DLGAP1: variants seen among roughly 807,000 people sequenced by gnomAD.
DLGAP1 encodes the protein disks large-associated protein 1.
A neutral mutation model predicts 90.8 loss-of-function variants in DLGAP1; 11 were observed. That is an observed-to-expected ratio of 0.12 (90% CI 0.08 to 0.20). The LOEUF (loss-of-function observed/expected upper bound fraction) is 0.20. Among genes scored for constraint, DLGAP1 ranks in the 10% least tolerant of loss-of-function variants. The probability of loss-of-function intolerance (pLI) is 1.00; values close to 1 mark genes in which losing one functional copy is unlikely to be tolerated. For synonymous variants in DLGAP1, 558 were observed against 540.7 expected (o/e 1.03, Z -0.44); for missense variants, 1,050 against 1,333.8 (o/e 0.79, Z 3.31).
At chr18:4,307,760 G>A (rs1459972877) in intron 1 of DLGAP1, among the ~76,000 whole-genome samples, 1 of 142,924 alleles carries the variant, frequency 7.0e-6, no homozygotes, top group African/African-American at 2.6e-5. Context: ...CTGTCACCCA[G>A]GCTGGAGTGC....
At chr18:4,396,242 G>A (rs181697170) in intron 1 of DLGAP1, among the ~76,000 whole-genome samples, 90 of 152,178 alleles carry the variant, frequency 5.9e-4, no homozygotes, top group African/African-American at 2.1e-3. Context: ...ACATCCAAAG[G>A]ATGTTCAACA....
intron 2 of DLGAP1, among the ~76,000 whole-genome samples, chr18:4,071,613 T>C (rs564349332): frequency 6.6e-6 from 1 of 152,256 alleles, no homozygotes; most frequent in Non-Finnish European, 1.5e-5. Context: ...CTAATAATAG[T>C]CCCATTATAT....
chr18:3,599,090 T>C (rs1384901149), intron 7 of DLGAP1, among the ~76,000 whole-genome samples: 1 of 152,236 alleles, frequency 6.6e-6, no homozygotes, highest in African/African-American at 2.4e-5. Context: ...GTGTTTAAAA[T>C]ACTACCTTTC....
At chr18:3,707,402 A>G (rs921800148) in intron 7 of DLGAP1, among the ~76,000 whole-genome samples, 1 of 152,178 alleles carries the variant, frequency 6.6e-6, no homozygotes, top group African/African-American at 2.4e-5. Context: ...GTTTGAGATC[A>G]GCCTGGCCAA....
intron 1 of DLGAP1, among the ~76,000 whole-genome samples, chr18:4,360,887 G>A (rs111594284): frequency 0.019 from 2,890 of 152,182 alleles, 38 homozygotes; most frequent in Non-Finnish European, 0.029. Flanking sequence ...GGCCGAAGCA[G>A]GAGAATCACT....
At chr18:4,380,752 G>A (rs931736921) in intron 1 of DLGAP1, among the ~76,000 whole-genome samples, 1 of 152,024 alleles carries the variant, frequency 6.6e-6, no homozygotes, top group African/African-American at 2.4e-5. Flanking sequence ...ACTAATTAAC[G>A]AAACTCATCT....
intron 1 of DLGAP1, among the ~76,000 whole-genome samples, chr18:4,188,824 C>T (rs2077345424): frequency 6.6e-6 from 1 of 152,104 alleles, no homozygotes; most frequent in South Asian, 2.1e-4. Flanking sequence ...TTCATATAAG[C>T]TATTTCATAT....
rs184807481 is a variant in DLGAP1, at chr18:4,173,224, C to T, written c.-266-21937G>A. ...AAGAGCCTAATAATATTTGGATGTA[C>T]CCTCATAGTAGTTTGACCTGCAGGG... On this transcript the variant is annotated intron_variant, in intron 1 of 12. Coordinates refer to ENST00000315677, the MANE Select transcript of DLGAP1 (RefSeq NM_004746.4). Among the ~76,000 whole-genome samples, 278 of 152,252 alleles carry T rather than the reference C, an allele frequency of 1.8e-3. 1 individual carries two copies. Among genetic ancestry groups the T allele is most frequent in the African/African-American group, 5.6e-3 (234 of 41,538 alleles).
chr18:4,248,404 G>T (rs1598722380), intron 1 of DLGAP1, among the ~76,000 whole-genome samples: 2 of 152,146 alleles, frequency 1.3e-5, no homozygotes, highest in East Asian at 1.9e-4. Flanking sequence ...CTGATGTACA[G>T]CTTTCTTTTC....
At chr18:3,503,428 T>C (rs16944935) in intron 11 of DLGAP1, among the ~76,000 whole-genome samples, 26,008 of 152,220 alleles carry the variant, frequency 0.17, 2,461 homozygotes, top group Non-Finnish European at 0.23. Context: ...TACCAGAACA[T>C]ATAAACCTGA....
At chr18:3,744,312 G>A (rs1033994648) in intron 5 of DLGAP1, among the ~76,000 whole-genome samples, 1 of 151,768 alleles carries the variant, frequency 6.6e-6, no homozygotes, top group African/African-American at 2.4e-5. Context: ...GCTTTTCCAC[G>A]TAACATCAAA....
In DLGAP1 at chr18:3,775,403, G is replaced by A. The variant is rs1351692600; in HGVS notation, c.1173-32891C>T. Among the ~76,000 whole-genome samples, 2 of 152,160 alleles carry A rather than the reference G, an allele frequency of 1.3e-5. No individual in the cohort carries two copies. Among genetic ancestry groups the A allele is most frequent in the Non-Finnish European group, 2.9e-5 (2 of 68,036 alleles). Reference sequence around the variant, plus strand: ...TGTTCTCTTGATAGAGTTCTCAAGAGATCTGGTTGTTTGAATGCGTATAGC... The same window carrying A: ...TGTTCTCTTGATAGAGTTCTCAAGAAATCTGGTTGTTTGAATGCGTATAGC... On this transcript the variant is annotated intron_variant, in intron 5 of 12. Coordinates refer to ENST00000315677, the MANE Select transcript of DLGAP1 (RefSeq NM_004746.4). This position sits in a 1 kb window ranked among gnomAD's most constrained non-coding sequence, Gnocchi z 4.9.
At chr18:3,876,516 A>G (rs564148561) in intron 4 of DLGAP1, among the ~76,000 whole-genome samples, 1 of 152,322 alleles carries the variant, frequency 6.6e-6, no homozygotes, top group South Asian at 2.1e-4. Flanking sequence ...TTATTTCCCA[A>G]TGTAGGACAG....
intron 2 of DLGAP1, among the ~76,000 whole-genome samples, chr18:4,024,427 G>A (rs751613403): frequency 4.6e-5 from 7 of 152,186 alleles, no homozygotes; most frequent in Non-Finnish European, 8.8e-5. Flanking sequence ...GATCAAGGGA[G>A]TGCTACCCCC....
chr18:3,679,111 C>T (rs574877208), intron 7 of DLGAP1, among the ~76,000 whole-genome samples: 139 of 152,224 alleles, frequency 9.1e-4, no homozygotes, highest in Admixed American at 1.8e-3. Flanking sequence ...GGATTACAGG[C>T]GCATGCCACT....
chr18:4,189,967 C>G (rs1429021949), intron 1 of DLGAP1, among the ~76,000 whole-genome samples: 1 of 152,078 alleles, frequency 6.6e-6, no homozygotes, highest in Non-Finnish European at 1.5e-5. Flanking sequence ...GGTACAGTCA[C>G]TTTAGAAGAC....
chr18:4,152,482 A>G (rs1161886132), intron 1 of DLGAP1, among the ~76,000 whole-genome samples: 2 of 152,212 alleles, frequency 1.3e-5, no homozygotes, highest in Admixed American at 1.3e-4. Context: ...ATTACGTCCC[A>G]GATGCTCTGT....
chr18:3,849,168 G>A (rs2148675269), intron 4 of DLGAP1, among the ~76,000 whole-genome samples: 1 of 152,190 alleles, frequency 6.6e-6, no homozygotes, highest in East Asian at 1.9e-4. Context: ...TACTTCATAG[G>A]GCATGCTTTG....
intron 4 of DLGAP1, chr18:3,874,553 C>A: frequency 1.4e-6 from 2 of 1,473,202 alleles, no homozygotes; most frequent in Non-Finnish European, 1.8e-6. Context: ...CAACAAAAAC[C>A]ACCTTTTATT....
Sources: allele counts gnomAD v4.1 joint callset (sites outside exome capture counted in the v4.1 genomes callset), GRCh38; gene constraint gnomAD v4.1.1; non-coding constraint Gnocchi (gnomAD v3.1); transcripts MANE v1.5; gene names NCBI Gene and HGNC (gene_info 2026-07-23, HGNC 2026-07-21).